CDH13: variants seen among roughly 807,000 people sequenced by gnomAD.
CDH13 encodes the protein cadherin-13.
A neutral mutation model predicts 63.8 loss-of-function variants in CDH13; 24 were observed. The observed-to-expected ratio is 0.38, with a 90% confidence interval of 0.27 to 0.53. CDH13 has a LOEUF of 0.53. CDH13 is among the 20% of genes least tolerant of loss of function. The probability of loss-of-function intolerance (pLI) is 0.85; values close to 1 mark genes in which losing one functional copy is unlikely to be tolerated. For synonymous variants in CDH13, 503 were observed against 355.3 expected, an observed-to-expected ratio of 1.42 and a Z score of -4.67; for missense variants, 1,049 against 903.1, an observed-to-expected ratio of 1.16 and a Z score of -2.07.
chr16:82,813,858 C>T (rs530163055), intron 1 of CDH13, among the ~76,000 whole-genome samples: 185 of 152,304 alleles, frequency 1.2e-3, no homozygotes, highest in Admixed American at 1.9e-3. Flanking sequence ...TTAGCTATTC[C>T]TCAGATGATT....
chr16:83,295,807 C>G, intron 5 of CDH13, among the ~76,000 whole-genome samples: 1 of 152,130 alleles, frequency 6.6e-6, no homozygotes, highest in Non-Finnish European at 1.5e-5. Flanking sequence ...ATTCAACAAT[C>G]TCACTAGGGT....
In CDH13 at chr16:83,713,649, G is replaced by A. The variant is rs747423580; in HGVS notation, c.1539-34459G>A. 1.3e-3 allele frequency among the ~76,000 whole-genome samples: 204 copies of A among 152,280 alleles called. 3 individuals are homozygous for A. The highest frequency in any genetic ancestry group is 1.9e-3 in the Admixed American group (29 of 15,290). On this transcript the variant is annotated intron_variant, in intron 10 of 13. Transcript: ENST00000567109. ...GAAACCTAACTCAAACCAGAATGGG[G>A]GTGGGGAAAGTGAATTGATGTATCT...
chr16:83,476,327 A>AC (rs1256304908), intron 6 of CDH13, among the ~76,000 whole-genome samples: 2 of 152,090 alleles, frequency 1.3e-5, no homozygotes, highest in African/African-American at 4.8e-5. Flanking sequence ...GGGCTAAAAT[A>AC]CCCCTCATTG....
chr16:83,479,133 A>G (rs2073691923), intron 6 of CDH13, among the ~76,000 whole-genome samples: 1 of 152,230 alleles, frequency 6.6e-6, no homozygotes, highest in Non-Finnish European at 1.5e-5. Context: ...AAGCGGATGC[A>G]TGCATATGTG....
At chr16:82,751,564 G>A (rs1308944361) in intron 1 of CDH13, among the ~76,000 whole-genome samples, 1 of 152,108 alleles carries the variant, frequency 6.6e-6, no homozygotes, top group Non-Finnish European at 1.5e-5. Flanking sequence ...TAACCCACAT[G>A]CAGAATTATA....
intron 9 of CDH13, among the ~76,000 whole-genome samples, chr16:83,677,385 A>G (rs909499970): frequency 1.3e-5 from 2 of 152,172 alleles, no homozygotes; most frequent in African/African-American, 2.4e-5. Context: ...GGGTAGGACA[A>G]TCCACCATTG....
intron 10 of CDH13, among the ~76,000 whole-genome samples, chr16:83,736,384 G>A (rs1158797626): frequency 6.6e-6 from 1 of 152,044 alleles, no homozygotes; most frequent in African/African-American, 2.4e-5. Context: ...TTTAATTACT[G>A]TTTAATTTTT....
At chr16:83,785,157 T>C (rs902652278) in intron 13 of CDH13, among the ~76,000 whole-genome samples, 1 of 152,234 alleles carries the variant, frequency 6.6e-6, no homozygotes, top group Non-Finnish European at 1.5e-5. Flanking sequence ...GTTTGTATAC[T>C]GTCTTAGTCC....
At chr16:83,683,805 T>C (rs1272606621) in intron 10 of CDH13, among the ~76,000 whole-genome samples, 1 of 152,214 alleles carries the variant, frequency 6.6e-6, no homozygotes, top group African/African-American at 2.4e-5. Flanking sequence ...GAATTCTTTG[T>C]TTTTATGTCT....
chr16:83,516,083 G>A (rs1451703808), intron 7 of CDH13, among the ~76,000 whole-genome samples: 1 of 152,142 alleles, frequency 6.6e-6, no homozygotes, highest in Non-Finnish European at 1.5e-5. Flanking sequence ...CCGTCTAAGA[G>A]CATGTGGTGG....
In CDH13 at chr16:83,465,527, A is replaced by G. The variant is rs576828666; in HGVS notation, c.782-20950A>G. ...GTTTTATTAAGATGGAAATTTTCAC[A>G]AGGGCTAAAATAAAGATTCAAGTCA... On this transcript the variant is annotated intron_variant, in intron 6 of 13. Coordinates refer to ENST00000567109, the MANE Select transcript of CDH13 (RefSeq NM_001257.5). Among the ~76,000 whole-genome samples, 5 of 152,330 alleles carry G rather than the reference A, an allele frequency of 3.3e-5. No homozygotes were observed. In the East Asian group the frequency reaches 9.7e-4, roughly 29 times the overall value.
At chr16:82,627,685 C>T (rs1469538238) in intron 1 of CDH13, among the ~76,000 whole-genome samples, 1 of 152,104 alleles carries the variant, frequency 6.6e-6, no homozygotes, top group Admixed American at 6.5e-5. Context: ...GAAGGCGCCT[C>T]GGGGCAGCAG....
At chr16:83,371,205 A>T (rs2091360558) in intron 6 of CDH13, among the ~76,000 whole-genome samples, 1 of 152,252 alleles carries the variant, frequency 6.6e-6, no homozygotes, top group Admixed American at 6.5e-5. Flanking sequence ...AATATAAATC[A>T]TTCTGCCATA....
At chr16:83,456,748 G>T (rs1312572774) in intron 6 of CDH13, among the ~76,000 whole-genome samples, 2 of 152,178 alleles carry the variant, frequency 1.3e-5, no homozygotes, top group African/African-American at 4.8e-5. Context: ...GATCACCTGA[G>T]GTCAGGAGTT....
At chr16:82,755,173 A>G (rs1360613033) in intron 1 of CDH13, among the ~76,000 whole-genome samples, 2 of 152,200 alleles carry the variant, frequency 1.3e-5, no homozygotes, top group African/African-American at 4.8e-5. Context: ...GACTGTATAG[A>G]AAATTTGCCA....
chr16:82,965,682 G>C (rs1190746598), intron 2 of CDH13, among the ~76,000 whole-genome samples: 3 of 152,096 alleles, frequency 2.0e-5, no homozygotes, highest in African/African-American at 7.2e-5. Flanking sequence ...TAGTAGTGAC[G>C]GGGTTTCACC....
chr16:82,908,491 G>A (rs962911744), intron 2 of CDH13, among the ~76,000 whole-genome samples: 3 of 152,190 alleles, frequency 2.0e-5, no homozygotes, highest in Admixed American at 6.5e-5. Context: ...GCAGGCATGG[G>A]CATCAGATGA....
At chr16:83,704,373 G>A (rs1301219805) in intron 10 of CDH13, among the ~76,000 whole-genome samples, 1 of 152,096 alleles carries the variant, frequency 6.6e-6, no homozygotes, top group Non-Finnish European at 1.5e-5. Context: ...CACCGAGATG[G>A]TTCTCCAACT....
chr16:82,830,618 T>G (rs1384983439), intron 1 of CDH13, among the ~76,000 whole-genome samples: 1 of 152,226 alleles, frequency 6.6e-6, no homozygotes, highest in Non-Finnish European at 1.5e-5. Context: ...TGTAATGACA[T>G]TAATTTGTGT....
Sources: allele counts gnomAD v4.1 joint callset (sites outside exome capture counted in the v4.1 genomes callset), GRCh38; gene constraint gnomAD v4.1.1; transcripts MANE v1.5; gene names NCBI Gene and HGNC (gene_info 2026-07-23, HGNC 2026-07-21).